XRCC2: variants seen among roughly 807,000 people sequenced by gnomAD.
XRCC2 encodes the protein X-ray repair cross complementing 2, also known as DNA repair protein XRCC2.
Under a neutral mutation model 27.3 loss-of-function variants are expected in XRCC2, and 24 were observed. The observed-to-expected ratio is 0.88, with a 90% CI of 0.64 to 1.24. The LOEUF is 1.24. Among genes scored for constraint, XRCC2 ranks in the 50% most tolerant of loss-of-function variants. The probability of loss-of-function intolerance (pLI) is 0.00; values close to 1 mark genes in which losing one functional copy is unlikely to be tolerated. For missense variants in XRCC2, 321 were observed against 325.8 expected (o/e 0.99, Z 0.11); for synonymous variants, 106 against 115.4 (o/e 0.92, Z 0.52).
At chr7:152,674,824 C>A (rs772495961) in intron 1 of XRCC2, among the ~76,000 whole-genome samples, 3 of 102,326 alleles carry the variant, frequency 2.9e-5, no homozygotes, top group Non-Finnish European at 4.0e-5. Context: ...CGTTCTTATA[C>A]TAAGCAGTGG....
intron 2 of XRCC2, among the ~76,000 whole-genome samples, chr7:152,650,948 A>T (rs1467800721): frequency 6.6e-6 from 1 of 151,604 alleles, no homozygotes; most frequent in Non-Finnish European, 1.5e-5. Context: ...TTTAATTTTA[A>T]TTTTTTTTTG....
intron 1 of XRCC2, among the ~76,000 whole-genome samples, chr7:152,671,358 T>G (rs1283045122): frequency 2.0e-5 from 3 of 152,136 alleles, no homozygotes; most frequent in African/African-American, 7.2e-5. Flanking sequence ...TTGAACAGCT[T>G]CCCCTCATAT....
chr7:152,664,383 T>G (rs1314526496), intron 1 of XRCC2, among the ~76,000 whole-genome samples: 1 of 152,120 alleles, frequency 6.6e-6, no homozygotes. Context: ...TGAGGGTGTT[T>G]CTGGAGGACA....
intron 1 of XRCC2, among the ~76,000 whole-genome samples, chr7:152,674,705 T>TA (rs200794364): frequency 0.22 from 4,628 of 20,680 alleles, 815 homozygotes; most frequent in African/African-American, 0.4. Context: ...AAATATATAT[T>TA]TATATAATAT....
chr7:152,661,049 A>G (rs950211917), intron 1 of XRCC2, among the ~76,000 whole-genome samples: 4 of 152,188 alleles, frequency 2.6e-5, no homozygotes, highest in African/African-American at 9.6e-5. Context: ...CTGTAATCCC[A>G]GCTACTGAGG....
At position 152,658,150 on chromosome 7, in the gene XRCC2, CT is replaced by C. The variant is rs1203269973; in HGVS notation, c.121+2550del. On this transcript the variant is annotated intron_variant, in intron 2 of 2. Coordinates refer to ENST00000359321, the MANE Select transcript of XRCC2 (RefSeq NM_005431.2). ...CTGGGTAATTTTTCTTTTTCTTTTT[CT>C]TTTTTTTTTTTGAGGCGGAGTCTCA... 6.6e-3 allele frequency among the ~76,000 whole-genome samples: 901 copies of C among 136,930 alleles called. 6 individuals are homozygous for C. The highest frequency in any genetic ancestry group is 0.023 in the Middle Eastern group (6 of 262). 89.8% of individuals were successfully genotyped at this position (136,930 alleles called of 152,430 possible).
chr7:152,671,527 CTCTTA>C (rs1347877406), intron 1 of XRCC2, among the ~76,000 whole-genome samples: 13 of 152,186 alleles, frequency 8.5e-5, no homozygotes, highest in East Asian at 3.8e-4. Context: ...CAATACTCTT[CTCTTA>C]TACCTATACT....
At chr7:152,655,239 A>G (rs2116994250) in intron 2 of XRCC2, among the ~76,000 whole-genome samples, 1 of 152,350 alleles carries the variant, frequency 6.6e-6, no homozygotes, top group South Asian at 2.1e-4. Context: ...TTCTGAATCT[A>G]AAGATCCTTC....
chr7:152,663,177 A>G (rs974121484), intron 1 of XRCC2, among the ~76,000 whole-genome samples: 14 of 152,034 alleles, frequency 9.2e-5, no homozygotes, highest in Non-Finnish European at 1.8e-4. Context: ...AGTAAAAATT[A>G]AGATGTTATT....
rs1231766835 is a variant in XRCC2 at position 152,649,093 on chromosome 7, T to C, written c.392A>G (p.Tyr131Cys). The C allele has an allele frequency of 6.2e-7, 1 of 1,614,012 alleles. No individual in the cohort carries two copies. The highest frequency in any genetic ancestry group is 1.7e-5 in the Admixed American group (1 of 59,974). ...SSSTHLLLTL[Y>C]SLESMFCSHP... is the part of the protein sequence containing the mutation. ...ACTACAAAACATACTTTCTAGTGAG[T>C]AAAGTGTAAGAAGTAAGTGGGTGCT... The change falls in exon 3 of 3, where the codon TAC (tyrosine) becomes TGC (cysteine). Residue 131 changes from tyrosine to cysteine, a missense_variant. Transcript: ENST00000359321.
At chr7:152,655,023 G>A (rs1050779402) in intron 2 of XRCC2, among the ~76,000 whole-genome samples, 2 of 152,124 alleles carry the variant, frequency 1.3e-5, no homozygotes, top group African/African-American at 4.8e-5. Flanking sequence ...TGTACTTGAA[G>A]TCACCGTCTC....
At chr7:152,657,846 T>C (rs2098031333) in intron 2 of XRCC2, among the ~76,000 whole-genome samples, 1 of 151,892 alleles carries the variant, frequency 6.6e-6, no homozygotes, top group Admixed American at 6.6e-5. Flanking sequence ...ATTAAAATGG[T>C]ACATTAGAAA....
At chr7:152,674,583 G>A (rs1334399477) in intron 1 of XRCC2, among the ~76,000 whole-genome samples, 1 of 150,478 alleles carries the variant, frequency 6.6e-6, no homozygotes, top group Admixed American at 6.7e-5. Context: ...TTGCACTCCA[G>A]CCTGGGCAAC....
intron 1 of XRCC2, among the ~76,000 whole-genome samples, chr7:152,675,480 G>A (rs1381286120): frequency 2.6e-5 from 4 of 152,078 alleles, no homozygotes; most frequent in African/African-American, 4.8e-5. Context: ...CAATTCTTGA[G>A]GGGCATCCAC....
At position 152,648,575 on chromosome 7, in the gene XRCC2, G is replaced by C; in HGVS notation, c.*67C>G. ...CACTCCAGCCTGGGAGACAGAGCAA[G>C]ACTCTGTCTTAAGAAAAATTTTAAG... On this transcript the variant is annotated 3_prime_UTR_variant, in exon 3 of 3. Transcript: ENST00000359321. The C allele has an allele frequency of 6.8e-7, 1 of 1,478,068 alleles. No individual in the cohort carries two copies. Among genetic ancestry groups the C allele is most frequent in the Non-Finnish European group, 9.0e-7 (1 of 1,112,154 alleles). The allele number at this position is 1,478,068 out of a possible 1,614,324, so 91.6% of individuals were successfully genotyped here.
chr7:152,669,448 G>A (rs905164417), intron 1 of XRCC2, among the ~76,000 whole-genome samples: 1 of 152,026 alleles, frequency 6.6e-6, no homozygotes, highest in African/African-American at 2.4e-5. Flanking sequence ...TCACTCTGTC[G>A]CCCAGGCTGG....
chr7:152,676,047 C>T lies in XRCC2; in HGVS notation c.33G>A (p.Gly11=), dbSNP rs781763823. 1.2e-6 allele frequency: 2 copies of T among 1,613,848 alleles called. No individual in the cohort carries two copies. Among genetic ancestry groups the T allele is most frequent in the South Asian group, 2.2e-5 (2 of 91,084 alleles). MCSAFHRAES[G]TELLARLEGR... The stretch of plus-strand genomic sequence containing the variant: ...CCAACCCGGCGGCTCTCACCTCGGT[C>T]CCAGACTCAGCCCTATGGAAGGCAC... The change falls in exon 1 of 3, where the codon GGG becomes GGA. Residue 11 remains glycine (G), a synonymous_variant. Coordinates refer to ENST00000359321, the MANE Select transcript of XRCC2 (RefSeq NM_005431.2).
chr7:152,653,034 A>G lies in XRCC2; in HGVS notation c.122-3671T>C, dbSNP rs577889581. ...GGTGAGGGCCTCAGTTCTGCAGGTG[A>G]TATGGTTAGGCTGTGTCCCCACCCA... is the stretch of plus-strand genomic sequence containing the variant. On this transcript the variant is annotated intron_variant, in intron 2 of 2. Transcript: ENST00000359321. Among the ~76,000 whole-genome samples the G allele has an allele frequency of 1.2e-4, 19 of 152,136 alleles. No homozygotes were observed. In the South Asian group the frequency reaches 3.1e-3, roughly 25 times the overall value.
intron 2 of XRCC2, among the ~76,000 whole-genome samples, chr7:152,659,592 C>T (rs767264016): frequency 4.0e-5 from 6 of 151,500 alleles, no homozygotes; most frequent in Non-Finnish European, 8.8e-5. Context: ...AATCAAAAAC[C>T]ACAAAGAGAT....
Sources: allele counts gnomAD v4.1 joint callset (sites outside exome capture counted in the v4.1 genomes callset), GRCh38; gene constraint gnomAD v4.1.1; transcripts MANE v1.5; gene names NCBI Gene and HGNC (gene_info 2026-07-23, HGNC 2026-07-21).